SPATA17: variants seen among roughly 807,000 people sequenced by gnomAD.
SPATA17 encodes the protein spermatogenesis associated 17, also known as spermatogenesis-associated protein 17.
Under a neutral mutation model 62.2 loss-of-function variants are expected in SPATA17, and 53 were observed. The observed-to-expected ratio is 0.85, with a 90% confidence interval of 0.68 to 1.07. SPATA17 has a LOEUF of 1.07. Among genes scored for constraint, SPATA17 ranks in the 50% least tolerant of loss-of-function variants. The pLI, the probability that SPATA17 is intolerant of heterozygous loss-of-function variation, is 0.00. For missense variants in SPATA17, 466 were observed against 425.5 expected (o/e 1.10, Z -0.84); for synonymous variants, 146 against 146.8 (o/e 0.99, Z 0.04).
In SPATA17 at chr1:217,845,423, C is replaced by T. The variant is rs187169414; in HGVS notation, c.1006-17351C>T. Among the ~76,000 whole-genome samples the T allele has an allele frequency of 1.1e-3, 169 of 152,128 alleles. 1 individual carries two copies. Among genetic ancestry groups the T allele is most frequent in the African/African-American group, 4.0e-3 (168 of 41,518 alleles). ...CTCACTTGCCCCATTTCCTAGTTCT[C>T]CAACACTAATAATTGATGGAAGAGA... is the stretch of plus-strand genomic sequence containing the variant. On this transcript the variant is annotated intron_variant, in intron 9 of 10. Coordinates refer to ENST00000366933, the MANE Select transcript of SPATA17 (RefSeq NM_138796.4).
At chr1:217,651,217 A>G (rs771805588) in intron 3 of SPATA17, 39 bp downstream of exon 3, 5 of 1,446,130 alleles carry the variant, frequency 3.5e-6, no homozygotes, top group East Asian at 2.3e-5. Context: ...TTTGAATTGT[A>G]CAATATGCTG....
intron 5 of SPATA17, among the ~76,000 whole-genome samples, chr1:217,698,433 C>A (rs1671512023): frequency 6.6e-6 from 1 of 151,696 alleles, no homozygotes; most frequent in Non-Finnish European, 1.5e-5. Context: ...GGCTCCATCC[C>A]CCTCCCACCA....
chr1:217,709,629 A>C (rs554078201), intron 5 of SPATA17, among the ~76,000 whole-genome samples: 113 of 152,302 alleles, frequency 7.4e-4, no homozygotes, highest in African/African-American at 2.5e-3. Flanking sequence ...TAAAGCAAGA[A>C]ATTGGCCCCT....
intron 3 of SPATA17, among the ~76,000 whole-genome samples, chr1:217,655,556 A>G (rs187415508): frequency 6.6e-6 from 1 of 152,234 alleles, no homozygotes; most frequent in East Asian, 1.9e-4. Flanking sequence ...TACGATTCTT[A>G]CCAGAATCAA....
intron 3 of SPATA17, among the ~76,000 whole-genome samples, chr1:217,651,800 G>A (rs1454534573): frequency 6.6e-6 from 1 of 152,064 alleles, no homozygotes; most frequent in Non-Finnish European, 1.5e-5. Flanking sequence ...TTTTATACTA[G>A]CTATTATTTA....
chr1:217,631,904 C>T lies in SPATA17; in HGVS notation c.68+458C>T, dbSNP rs566669402. Among the ~76,000 whole-genome samples, 14 of 152,162 alleles carry T rather than the reference C, an allele frequency of 9.2e-5. No individual in the cohort carries two copies. The South Asian group carries it at 2.1e-3, about 23-fold the overall frequency. On this transcript the variant is annotated intron_variant, in intron 1 of 10. Transcript: ENST00000366933. Reference sequence around the variant, plus strand: ...GCCTTTTTAAAATGAACGTATCTGCCGGGTGTGGTGGCTCACGCCTGTAAT... The same window carrying T: ...GCCTTTTTAAAATGAACGTATCTGCTGGGTGTGGTGGCTCACGCCTGTAAT...
chr1:217,827,531 G>A (rs112281695), intron 9 of SPATA17, among the ~76,000 whole-genome samples: 4,495 of 151,998 alleles, frequency 0.03, 146 homozygotes, highest in African/African-American at 0.075. Flanking sequence ...CCCATTGCTG[G>A]GCATATACCC....
At position 217,651,116 on chromosome 1, in the gene SPATA17, A is replaced by G; in HGVS notation, c.178A>G (p.Thr60Ala). Residue 60 changes from threonine to alanine, a missense_variant, in exon 3 of 11, where the codon ACA (threonine) becomes GCA (alanine). Coordinates refer to ENST00000366933, the MANE Select transcript of SPATA17 (RefSeq NM_138796.4). Reference protein sequence around the residue: ...AYIRHLNRIVTIIQKWWRSFL... With the variant: ...AYIRHLNRIVAIIQKWWRSFL... ...TCCTAGGCATTTAAACAGGATTGTA[A>G]CAATTATTCAAAAATGGTGGAGAAG... The G allele has an allele frequency of 1.9e-6, 3 of 1,609,102 alleles. No individual in the cohort carries two copies. Among genetic ancestry groups the G allele is most frequent in the African/African-American group, 1.3e-5 (1 of 74,866 alleles).
chr1:217,851,354 C>T (rs1477468296), intron 9 of SPATA17, among the ~76,000 whole-genome samples: 2 of 151,862 alleles, frequency 1.3e-5, no homozygotes, highest in African/African-American at 4.8e-5. Flanking sequence ...TAAGAAAGCT[C>T]CAGGTTCACA....
chr1:217,670,737 C>T (rs748823640), intron 4 of SPATA17, among the ~76,000 whole-genome samples: 11 of 152,074 alleles, frequency 7.2e-5, no homozygotes, highest in Admixed American at 3.9e-4. Context: ...GATCACCTGA[C>T]GTCAGGAGTT....
Position 217,737,431 on chromosome 1 carries a change from G to A in SPATA17, c.396-4544G>A, listed in dbSNP as rs189245427. Among the ~76,000 whole-genome samples the A allele has an allele frequency of 1.8e-3, 277 of 152,328 alleles. 1 individual carries two copies. Among genetic ancestry groups the A allele is most frequent in the Middle Eastern group, 0.017 (5 of 294 alleles). On this transcript the variant is annotated intron_variant, in intron 5 of 10. Coordinates refer to ENST00000366933, the MANE Select transcript of SPATA17 (RefSeq NM_138796.4). ...ACTCTCAGACAGTGATTTGGTGCAT[G>A]AGATTTATTGGGGAGCAACATCTTT...
intron 4 of SPATA17, among the ~76,000 whole-genome samples, chr1:217,674,838 G>A (rs1038389772): frequency 6.6e-5 from 10 of 152,186 alleles, no homozygotes; most frequent in Non-Finnish European, 1.0e-4. Context: ...CTCACCTGAA[G>A]TTGGGTCGTC....
intron 10 of SPATA17, among the ~76,000 whole-genome samples, chr1:217,863,515 C>T (rs12746566): frequency 2.5e-3 from 379 of 152,218 alleles, no homozygotes; most frequent in Non-Finnish European, 4.1e-3. Flanking sequence ...CAAAATACTT[C>T]TCAGTGCTGT....
At chr1:217,748,339 A>G (rs12131606) in intron 6 of SPATA17, among the ~76,000 whole-genome samples, 68,507 of 150,256 alleles carry the variant, frequency 0.46, 17,133 homozygotes, top group Non-Finnish European at 0.58. Flanking sequence ...CATACCCATA[A>G]TTAATTGATA....
intron 9 of SPATA17, chr1:217,850,355 G>T: frequency 1.4e-6 from 1 of 702,298 alleles, no homozygotes; most frequent in Non-Finnish European, 2.4e-6. Flanking sequence ...TGGCTATAGT[G>T]CAGTGTAATG....
intron 9 of SPATA17, among the ~76,000 whole-genome samples, chr1:217,860,062 T>G (rs946149682): frequency 1.3e-5 from 2 of 152,206 alleles, no homozygotes; most frequent in African/African-American, 4.8e-5. Flanking sequence ...CTCTAGGCAC[T>G]GCTTTTGCTG....
intron 3 of SPATA17, among the ~76,000 whole-genome samples, chr1:217,657,355 A>T (rs924449419): frequency 2.0e-5 from 3 of 152,162 alleles, no homozygotes; most frequent in Admixed American, 6.5e-5. Context: ...CACTTCTTTT[A>T]CACCTCACAC....
chr1:217,822,804 A>G (rs1674900092), intron 9 of SPATA17, among the ~76,000 whole-genome samples: 1 of 150,978 alleles, frequency 6.6e-6, no homozygotes, highest in Admixed American at 6.6e-5. Context: ...ATATATGTAT[A>G]TGAAAGTTCT....
At chr1:217,783,675 C>T (rs1035843649) in intron 8 of SPATA17, among the ~76,000 whole-genome samples, 1 of 151,990 alleles carries the variant, frequency 6.6e-6, no homozygotes, top group African/African-American at 2.4e-5. Context: ...TACAAAATAG[C>T]ATGACTAATT....
Sources: allele counts gnomAD v4.1 joint callset (sites outside exome capture counted in the v4.1 genomes callset), GRCh38; gene constraint gnomAD v4.1.1; transcripts MANE v1.5; gene names NCBI Gene and HGNC (gene_info 2026-07-23, HGNC 2026-07-21).